The following NPAS2 variants were observed in gnomAD, a reference collection of about 807,000 sequenced individuals.
NPAS2 encodes the protein neuronal PAS domain protein 2, also known as neuronal PAS domain-containing protein 2.
In NPAS2, 23 loss-of-function variants were observed where a neutral mutation model predicts 107.5. That is an observed-to-expected ratio of 0.21 (90% CI 0.15 to 0.30). The LOEUF (loss-of-function observed/expected upper bound fraction) is 0.30, where lower values mean the gene tolerates loss of function less well. NPAS2 is among the 10% of genes least tolerant of loss of function. NPAS2 has a pLI of 1.00. For synonymous variants in NPAS2, 403 were observed against 417.5 expected (o/e 0.97, Z 0.42); for missense variants, 756 against 1,043.3 (o/e 0.72, Z 3.79).
At chr2:100,932,818 C>G in intron 3 of NPAS2, 92 bp from the exon 4 acceptor site, 1 of 892,334 alleles carries the variant, frequency 1.1e-6, no homozygotes, top group Non-Finnish European at 1.8e-6. Flanking sequence ...GAAGTTTACA[C>G]AAAATTACAT....
chr2:100,989,023 C>A, intron 17 of NPAS2: 1 of 244,092 alleles, frequency 4.1e-6, no homozygotes, highest in Non-Finnish European at 8.1e-6. Flanking sequence ...CCCCCAGACT[C>A]TTTGCCAAAC....
At chr2:100,862,769 C>A (rs1037328700) in intron 1 of NPAS2, among the ~76,000 whole-genome samples, 3 of 152,336 alleles carry the variant, frequency 2.0e-5, no homozygotes, top group African/African-American at 7.2e-5. Flanking sequence ...TGGAAAGGGG[C>A]AGACAGTGCT....
At chr2:100,960,502 A>T (rs876060) in intron 7 of NPAS2, among the ~76,000 whole-genome samples, 48,638 of 151,320 alleles carry the variant, frequency 0.32, 9,059 homozygotes, top group East Asian at 0.7. Flanking sequence ...CAAGCAGAAG[A>T]CCACGCCACG....
At chr2:100,884,788 G>T (rs1340998247) in intron 1 of NPAS2, among the ~76,000 whole-genome samples, 2 of 152,154 alleles carry the variant, frequency 1.3e-5, no homozygotes, top group Admixed American at 6.6e-5. Context: ...GAGTGATTTA[G>T]TAAGAGTATA....
chr2:100,894,563 A>T (rs1001356862), intron 1 of NPAS2, among the ~76,000 whole-genome samples: 1 of 152,162 alleles, frequency 6.6e-6, no homozygotes, highest in African/African-American at 2.4e-5. Context: ...GCCACTCCAC[A>T]GGTCAGTCAG....
At chr2:100,919,372 GA>G (rs961861854) in intron 2 of NPAS2, among the ~76,000 whole-genome samples, 8 of 151,592 alleles carry the variant, frequency 5.3e-5, no homozygotes, top group African/African-American at 1.2e-4. Flanking sequence ...ATTTTAAGGG[GA>G]AAAAAAACAA....
At chr2:100,910,099 C>T (rs945676921) in intron 2 of NPAS2, among the ~76,000 whole-genome samples, 1 of 152,108 alleles carries the variant, frequency 6.6e-6, no homozygotes, top group Non-Finnish European at 1.5e-5. Context: ...AGGCAAAAGG[C>T]AGTTTACTAA....
chr2:100,921,004 G>A (rs1558873480), intron 2 of NPAS2, among the ~76,000 whole-genome samples: 1 of 152,244 alleles, frequency 6.6e-6, no homozygotes, highest in Admixed American at 6.5e-5. Context: ...TTAGTGTGTG[G>A]CACTGTTTCT....
chr2:100,990,937 T>C, intron 19 of NPAS2, 65 bp downstream of exon 19: 1 of 1,383,488 alleles, frequency 7.2e-7, no homozygotes. Context: ...CTGGCCAGAC[T>C]CACCCGCCTG....
chr2:100,835,447 T>A (rs1573423600), intron 1 of NPAS2, among the ~76,000 whole-genome samples: 1 of 152,070 alleles, frequency 6.6e-6, no homozygotes, highest in South Asian at 2.1e-4. Flanking sequence ...AGGAAACCAC[T>A]CCAGTTTGGT....
At position 100,820,958 on chromosome 2, in the gene NPAS2, A is replaced by C; in HGVS notation, c.-23+544A>C. 9.9e-7 allele frequency: 1 copy of C among 1,006,332 alleles called. No homozygotes were observed. Among genetic ancestry groups the C allele is most frequent in the Non-Finnish European group, 1.3e-6 (1 of 746,370 alleles). The allele number at this position is 1,006,332 out of a possible 1,614,324, so 62.3% of individuals were successfully genotyped here. ...GTGCCCCCAACCCCCGTGTGCGCAG[A>C]CAGCGTGCAGCCTGGCTCCTCACGT... On this transcript the variant is annotated intron_variant, in intron 1 of 20. Transcript: ENST00000335681. This position sits in a 1 kb window ranked among gnomAD's most constrained non-coding sequence, Gnocchi z 5.6.
chr2:100,977,919 C>G (rs1398274013), intron 15 of NPAS2, 120 bp downstream of exon 15: 2 of 814,578 alleles, frequency 2.5e-6, no homozygotes, highest in Non-Finnish European at 4.1e-6. Context: ...AATGTCCCTC[C>G]CAATGTGTGT....
intron 1 of NPAS2, chr2:100,821,093 C>G: frequency 7.7e-7 from 1 of 1,304,474 alleles, no homozygotes; most frequent in Non-Finnish European, 1.0e-6. Context: ...CACCTTTGAC[C>G]TTTCTGAAGA....
chr2:100,910,975 AG>A (rs1204911461), intron 2 of NPAS2, among the ~76,000 whole-genome samples: 1 of 152,168 alleles, frequency 6.6e-6, no homozygotes, highest in Non-Finnish European at 1.5e-5. Flanking sequence ...TGGGCACAGG[AG>A]GGGACTGCAC....
intron 1 of NPAS2, among the ~76,000 whole-genome samples, chr2:100,889,472 C>G (rs1369910527): frequency 6.6e-6 from 1 of 152,198 alleles, no homozygotes; most frequent in East Asian, 1.9e-4. Context: ...TTTTTCCCTA[C>G]TGACCTATGA....
chr2:100,865,558 C>G (rs1345992239), intron 1 of NPAS2, among the ~76,000 whole-genome samples: 1 of 152,154 alleles, frequency 6.6e-6, no homozygotes, highest in Non-Finnish European at 1.5e-5. Flanking sequence ...CTGGCCACAC[C>G]AATCACCACC....
chr2:100,986,395 T>G (rs1677782487), intron 16 of NPAS2: 1 of 152,250 alleles, frequency 6.6e-6, no homozygotes, highest in Non-Finnish European at 1.5e-5. Flanking sequence ...AAACCTGCGC[T>G]GACACTCAGC....
Position 100,865,474 on chromosome 2 carries a change from A to G in NPAS2, c.-22-39259A>G, listed in dbSNP as rs10200909. Among the ~76,000 whole-genome samples the G allele has an allele frequency of 7.1e-3, 1,074 of 152,270 alleles. 13 individuals carry two copies. The highest frequency in any genetic ancestry group is 0.024 in the African/African-American group (1,007 of 41,540). The stretch of plus-strand genomic sequence containing the variant: ...ACTGTTGACCTTTCGGAAGCTCACA[A>G]TTCACCTGGTTCCCTGACCGGTGAC... On this transcript the variant is annotated intron_variant, in intron 1 of 20. Coordinates refer to ENST00000335681, the MANE Select transcript of NPAS2 (RefSeq NM_002518.4).
At chr2:100,868,663 T>C (rs898611351) in intron 1 of NPAS2, among the ~76,000 whole-genome samples, 13 of 152,234 alleles carry the variant, frequency 8.5e-5, no homozygotes, top group African/African-American at 3.1e-4. Context: ...TTATATTTTC[T>C]GTCTTTTGTC....
Sources: allele counts gnomAD v4.1 joint callset (sites outside exome capture counted in the v4.1 genomes callset), GRCh38; gene constraint gnomAD v4.1.1; non-coding constraint Gnocchi (gnomAD v3.1); transcripts MANE v1.5; gene names NCBI Gene and HGNC (gene_info 2026-07-23, HGNC 2026-07-21).